Variants in BCKDHB observed in about 807,000 individuals in gnomAD.
The protein encoded by BCKDHB is 2-oxoisovalerate dehydrogenase subunit beta, mitochondrial.
A neutral mutation model predicts 48.5 loss-of-function variants in BCKDHB; 41 were observed. That is an observed-to-expected ratio of 0.85 (90% confidence interval 0.66 to 1.10). BCKDHB has a LOEUF of 1.10. Ranked by LOEUF, BCKDHB falls within the 50% of genes least tolerant of loss-of-function variation. BCKDHB has a pLI of 0.00. For synonymous variants in BCKDHB, 201 were observed against 174.8 expected (o/e 1.15, Z -1.18); for missense variants, 496 against 494.2 (o/e 1.00, Z -0.03).
intron 9 of BCKDHB, among the ~76,000 whole-genome samples, chr6:80,278,971 G>T (rs1216176914): frequency 6.6e-6 from 1 of 152,164 alleles, no homozygotes; most frequent in African/African-American, 2.4e-5. Context: ...AAACATTTGT[G>T]TAATAAAATG....
At chr6:80,384,299 G>A in the BCKDHB span, among the ~76,000 whole-genome samples, 34 of 151,940 alleles carry the variant, frequency 2.2e-4, no homozygotes, top group African/African-American at 6.8e-4. Flanking sequence ...CATGCTGGAC[G>A]CTTTCTGCCC....
chr6:80,145,778 T>A (rs916972504), intron 3 of BCKDHB, among the ~76,000 whole-genome samples: 3 of 152,148 alleles, frequency 2.0e-5, no homozygotes, highest in Admixed American at 6.6e-5. Flanking sequence ...ATTACCACAT[T>A]GACCAGTGGG....
At chr6:80,391,173 A>ATGTGTGTGTGTG in the BCKDHB span, among the ~76,000 whole-genome samples, 9 of 17,612 alleles carry the variant, frequency 5.1e-4, no homozygotes, top group African/African-American at 5.8e-4. Flanking sequence ...AAATGCATAT[A>ATGTGTGTGTGTG]TATATGTGTG....
At chr6:80,290,467 G>A (rs78880379) in intron 9 of BCKDHB, among the ~76,000 whole-genome samples, 6,716 of 152,264 alleles carry the variant, frequency 0.044, 491 homozygotes, top group African/African-American at 0.15. Flanking sequence ...CGCCCACTGC[G>A]GAGCATGCCT....
intron 8 of BCKDHB, among the ~76,000 whole-genome samples, chr6:80,212,450 G>C (rs1206111993): frequency 1.3e-5 from 2 of 151,990 alleles, no homozygotes; most frequent in South Asian, 2.1e-4. Flanking sequence ...CTTTTTGCCC[G>C]ACCCCGCAGG....
chr6:80,125,694 G>A (rs970007707), intron 1 of BCKDHB, among the ~76,000 whole-genome samples: 4 of 152,122 alleles, frequency 2.6e-5, no homozygotes, highest in Non-Finnish European at 4.4e-5. Flanking sequence ...AGAATGACTG[G>A]TCAGTGGATC....
chr6:80,366,785 C>A, the BCKDHB span, among the ~76,000 whole-genome samples: 1 of 152,194 alleles, frequency 6.6e-6, no homozygotes, highest in Non-Finnish European at 1.5e-5. Context: ...CCTTTGGAAT[C>A]TAGCCTACAG....
At chr6:80,282,493 A>G (rs2127976324) in intron 9 of BCKDHB, among the ~76,000 whole-genome samples, 1 of 152,290 alleles carries the variant, frequency 6.6e-6, no homozygotes, top group East Asian at 1.9e-4. Context: ...AATATCGGAC[A>G]CATTATTAAT....
intron 3 of BCKDHB, among the ~76,000 whole-genome samples, chr6:80,138,566 A>G (rs1055664579): frequency 1.1e-4 from 17 of 151,996 alleles, no homozygotes; most frequent in Middle Eastern, 3.2e-3. Context: ...TTCTTGCGAT[A>G]GTTTACTGAG....
rs961733235 is a variant in BCKDHB, at chr6:80,220,886, G to A, written c.951+17674G>A. Reference sequence around the variant, plus strand: ...AGTAGCTGGGATTACAGGTGCCCACGACCATGCCTGGCTACTTTTTGTATT... The same window carrying A: ...AGTAGCTGGGATTACAGGTGCCCACAACCATGCCTGGCTACTTTTTGTATT... On this transcript the variant is annotated intron_variant, in intron 8 of 9. Coordinates refer to ENST00000320393, the MANE Select transcript of BCKDHB (RefSeq NM_183050.4). Among the ~76,000 whole-genome samples, 8 of 151,412 alleles carry A rather than the reference G, an allele frequency of 5.3e-5. No individual in the cohort carries two copies. The East Asian group carries it at 1.4e-3, about 26-fold the overall frequency.
chr6:80,376,515 T>C, the BCKDHB span, among the ~76,000 whole-genome samples: 151 of 152,322 alleles, frequency 9.9e-4, no homozygotes, highest in East Asian at 1.9e-4. Context: ...ATCCACCTCC[T>C]TCAAAGGGTC....
chr6:80,338,774 A>G (rs1769732835), intron 9 of BCKDHB, among the ~76,000 whole-genome samples: 1 of 152,180 alleles, frequency 6.6e-6, no homozygotes, highest in Non-Finnish European at 1.5e-5. Context: ...CAGGCATGAA[A>G]CCAGGTACTT....
the BCKDHB span, among the ~76,000 whole-genome samples, chr6:80,408,191 C>T: frequency 6.6e-6 from 1 of 152,094 alleles, no homozygotes; most frequent in East Asian, 1.9e-4. Flanking sequence ...GGCTTGCATC[C>T]CAGGTATGAA....
the BCKDHB span, among the ~76,000 whole-genome samples, chr6:80,368,118 T>C: frequency 6.6e-6 from 1 of 152,178 alleles, no homozygotes; most frequent in African/African-American, 2.4e-5. Flanking sequence ...TCTTTGTACA[T>C]TTCATTCACC....
intron 9 of BCKDHB, among the ~76,000 whole-genome samples, chr6:80,301,463 C>T (rs575060297): frequency 6.6e-6 from 1 of 152,124 alleles, no homozygotes; most frequent in Admixed American, 6.5e-5. Flanking sequence ...ATACAACCTC[C>T]AAAGATTGAA....
chr6:80,289,387 G>C (rs905685269), intron 9 of BCKDHB, among the ~76,000 whole-genome samples: 1 of 152,108 alleles, frequency 6.6e-6, no homozygotes, highest in Non-Finnish European at 1.5e-5. Context: ...CTGATTAATA[G>C]CAAAAAGATC....
chr6:80,423,105 G>A, the BCKDHB span, among the ~76,000 whole-genome samples: 1 of 152,120 alleles, frequency 6.6e-6, no homozygotes, highest in African/African-American at 2.4e-5. Context: ...TATCATGGGC[G>A]TGGTTTCTGC....
intron 9 of BCKDHB, among the ~76,000 whole-genome samples, chr6:80,342,555 T>TGAAA: frequency 5.2e-5 from 1 of 19,388 alleles, no homozygotes; most frequent in South Asian, 1.3e-3. Flanking sequence ...ACCTCATTTC[T>TGAAA]GAAAAAAAAA....
intron 9 of BCKDHB, among the ~76,000 whole-genome samples, chr6:80,319,667 G>A (rs553554809): frequency 2.6e-5 from 4 of 152,280 alleles, no homozygotes; most frequent in South Asian, 2.1e-4. Context: ...AGGTGTAGGC[G>A]TTGTCAGTTT....
Sources: allele counts gnomAD v4.1 joint callset (sites outside exome capture counted in the v4.1 genomes callset), GRCh38; gene constraint gnomAD v4.1.1; transcripts MANE v1.5; gene names NCBI Gene and HGNC (gene_info 2026-07-23, HGNC 2026-07-21).